PPARGC1A: variants seen among roughly 807,000 people sequenced by gnomAD.
PPARGC1A encodes the protein peroxisome proliferator-activated receptor gamma coactivator 1-alpha.
In PPARGC1A, 25 loss-of-function variants were observed where a neutral mutation model predicts 88.7. That is an observed-to-expected ratio of 0.28 (90% CI 0.21 to 0.39). PPARGC1A has a LOEUF of 0.39. Ranked by LOEUF, PPARGC1A falls within the 10% of genes least tolerant of loss-of-function variation. The probability of loss-of-function intolerance (pLI) is 1.00; values close to 1 mark genes in which losing one functional copy is unlikely to be tolerated. For missense variants in PPARGC1A, 880 were observed against 968.7 expected (o/e 0.91, Z 1.22); for synonymous variants, 363 against 355.6 (o/e 1.02, Z -0.24).
rs747638286 is a variant in PPARGC1A at position 23,802,343 on chromosome 4, T to C, written c.2022A>G (p.Glu674=). The C allele has an allele frequency of 6.2e-7, 1 of 1,613,956 alleles. No homozygotes were observed. The highest frequency in any genetic ancestry group is 8.5e-7 in the Non-Finnish European group (1 of 1,179,926). Residue 674 remains glutamate, a splice_region_variant and synonymous_variant, in exon 11 of 13, where the codon GAA becomes GAG. Transcript: ENST00000264867. ...QRERQRQKAI[E]ERRVIYVGKI... ...TACCGACATAAATCACACGGCGCTC[T>C]TCCTATGGGGGGAAGGAAGGAGAGA...
At chr4:23,802,446 G>A (rs765226156) in intron 10 of PPARGC1A, 101 bp from the exon 11 acceptor site, 70 of 1,393,586 alleles carry the variant, frequency 5.0e-5, no homozygotes, top group Admixed American at 7.7e-5. Context: ...TTGGGAGGCC[G>A]AGGCAGGTGG....
chr4:23,982,409 C>T, the PPARGC1A span, among the ~76,000 whole-genome samples: 1 of 152,052 alleles, frequency 6.6e-6, no homozygotes, highest in African/African-American at 2.4e-5. Context: ...AATAAGACAA[C>T]GTCATGGCCA....
At chr4:24,365,153 GAAA>G in the PPARGC1A span, among the ~76,000 whole-genome samples, 1 of 133,294 alleles carries the variant, frequency 7.5e-6, no homozygotes. Context: ...AGATGGCATT[GAAA>G]AAAAAAAAAA....
the PPARGC1A span, among the ~76,000 whole-genome samples, chr4:24,243,311 G>A: frequency 6.6e-6 from 1 of 152,150 alleles, no homozygotes; most frequent in Non-Finnish European, 1.5e-5. Flanking sequence ...AATATTAGGT[G>A]CAGATATTAG....
At chr4:24,229,456 A>G in the PPARGC1A span, among the ~76,000 whole-genome samples, 7 of 150,808 alleles carry the variant, frequency 4.6e-5, no homozygotes, top group Admixed American at 4.6e-4. Context: ...GCCTATATGG[A>G]CCTTTTAAAA....
chr4:24,086,129 A>G, the PPARGC1A span, among the ~76,000 whole-genome samples: 1 of 152,146 alleles, frequency 6.6e-6, no homozygotes, highest in Non-Finnish European at 1.5e-5. Context: ...TGTATGACTC[A>G]TATTTTTTAT....
Position 23,831,771 on chromosome 4 carries a change from C to T in PPARGC1A, c.235-20G>A, listed in dbSNP as rs1199226409. On this transcript the variant is annotated intron_variant, in intron 2 of 12. Coordinates refer to ENST00000264867, the MANE Select transcript of PPARGC1A (RefSeq NM_013261.5). ...TATCTTCTGCAGAAAGAGAAAAAAA[C>T]AGAAGATGTGAGTTGACCCTGGGAG... 4.4e-6 allele frequency: 7 copies of T among 1,589,724 alleles called. No individual in the cohort carries two copies. The highest frequency in any genetic ancestry group is 1.7e-5 in the Admixed American group (1 of 59,886).
chr4:23,886,651 C>A (rs1026269247), intron 1 of PPARGC1A, among the ~76,000 whole-genome samples: 35 of 152,054 alleles, frequency 2.3e-4, no homozygotes, highest in Admixed American at 6.6e-5. Flanking sequence ...TAACTGGAGG[C>A]TGGGCTGAAG....
At chr4:24,365,910 T>C in the PPARGC1A span, among the ~76,000 whole-genome samples, 1 of 152,180 alleles carries the variant, frequency 6.6e-6, no homozygotes, top group South Asian at 2.1e-4. Context: ...GCTTCAAAAT[T>C]AGAGAATATA....
the PPARGC1A span, among the ~76,000 whole-genome samples, chr4:23,966,495 G>T: frequency 8.0e-4 from 122 of 152,272 alleles, no homozygotes; most frequent in African/African-American, 2.8e-3. Context: ...ATATGTGTTC[G>T]CTTTCAAATA....
chr4:23,922,004 T>C, the PPARGC1A span, among the ~76,000 whole-genome samples: 1 of 152,196 alleles, frequency 6.6e-6, no homozygotes, highest in African/African-American at 2.4e-5. Flanking sequence ...ATTTACTGAA[T>C]ATGCACAATG....
chr4:23,844,533 CATATA>C (rs578177030), intron 2 of PPARGC1A, among the ~76,000 whole-genome samples: 8,319 of 111,462 alleles, frequency 0.075, 350 homozygotes, highest in South Asian at 0.11. Flanking sequence ...ATAATATAAT[CATATA>C]ATATATTATA....
At chr4:24,377,199 G>A in the PPARGC1A span, among the ~76,000 whole-genome samples, 1 of 151,948 alleles carries the variant, frequency 6.6e-6, no homozygotes. Context: ...GGGAAAAAAA[G>A]AAAGATTTCT....
At chr4:24,227,188 G>A in the PPARGC1A span, among the ~76,000 whole-genome samples, 11 of 152,008 alleles carry the variant, frequency 7.2e-5, no homozygotes, top group African/African-American at 2.4e-4. Flanking sequence ...AGGTTCAAGC[G>A]ATTCTCCTGC....
chr4:23,985,915 CAGAAAACCTGTCCCTCT>C, the PPARGC1A span, among the ~76,000 whole-genome samples: 1 of 151,942 alleles, frequency 6.6e-6, no homozygotes, highest in Non-Finnish European at 1.5e-5. Flanking sequence ...GTTAAAAAAT[CAGAAAACCTGTCCCTCT>C]AGCCTTAGTT....
chr4:24,412,551 G>A, the PPARGC1A span, among the ~76,000 whole-genome samples: 418 of 152,196 alleles, frequency 2.7e-3, 1 homozygote, highest in African/African-American at 9.6e-3. Context: ...CTCAATCTCC[G>A]CTCACTGCAA....
At chr4:24,024,902 T>C in the PPARGC1A span, among the ~76,000 whole-genome samples, 3 of 152,226 alleles carry the variant, frequency 2.0e-5, no homozygotes, top group East Asian at 5.8e-4. Context: ...AATCTGTGCA[T>C]GCTGTATGCA....
chr4:24,446,459 T>C, the PPARGC1A span, among the ~76,000 whole-genome samples: 10 of 152,182 alleles, frequency 6.6e-5, no homozygotes. Context: ...TAGGAGTTTC[T>C]ATATATTTTA....
At chr4:24,465,761 C>T in the PPARGC1A span, among the ~76,000 whole-genome samples, 1 of 152,176 alleles carries the variant, frequency 6.6e-6, no homozygotes, top group East Asian at 1.9e-4. Flanking sequence ...AGGGCTGAAC[C>T]ACTAAAAGGC....
Sources: allele counts gnomAD v4.1 joint callset (sites outside exome capture counted in the v4.1 genomes callset), GRCh38; gene constraint gnomAD v4.1.1; transcripts MANE v1.5; gene names NCBI Gene and HGNC (gene_info 2026-07-23, HGNC 2026-07-21).